The following PPP6C variants were observed in gnomAD, a reference collection of about 807,000 sequenced individuals.
PPP6C encodes the protein protein phosphatase 6 catalytic subunit.
Under a neutral mutation model 39.8 loss-of-function variants are expected in PPP6C, and 11 were observed. That is an observed-to-expected ratio of 0.28 (90% CI 0.17 to 0.46). The LOEUF (loss-of-function observed/expected upper bound fraction) is 0.46. Among genes scored for constraint, PPP6C ranks in the 20% least tolerant of loss-of-function variants. The pLI, the probability that PPP6C is intolerant of heterozygous loss-of-function variation, is 1.00. For synonymous variants in PPP6C, 129 were observed against 130.3 expected, an observed-to-expected ratio of 0.99 and a Z score of 0.07; for missense variants, 211 against 373.9, an observed-to-expected ratio of 0.56 and a Z score of 3.59.
intron 1 of PPP6C, among the ~76,000 whole-genome samples, chr9:125,173,005 G>A (rs752633967): frequency 2.6e-5 from 4 of 152,160 alleles, no homozygotes; most frequent in Admixed American, 6.6e-5. Flanking sequence ...AGCTGGGCAC[G>A]GCGGCTCTCG....
chr9:125,159,289 T>C (rs1438583873), intron 3 of PPP6C, among the ~76,000 whole-genome samples: 1 of 151,124 alleles, frequency 6.6e-6, no homozygotes, highest in Non-Finnish European at 1.5e-5. Flanking sequence ...CCTCAGGTGA[T>C]CCACCTGCCT....
chr9:125,175,893 G>T (rs937366765), intron 1 of PPP6C, among the ~76,000 whole-genome samples: 6 of 151,992 alleles, frequency 3.9e-5, no homozygotes, highest in Non-Finnish European at 7.4e-5. Context: ...GCTCTCAAGG[G>T]GCTTACATTC....
chr9:125,168,300 C>T (rs1046512227), intron 2 of PPP6C, among the ~76,000 whole-genome samples: 1 of 152,178 alleles, frequency 6.6e-6, no homozygotes, highest in African/African-American at 2.4e-5. Flanking sequence ...CTCAGCACAA[C>T]ATGCTTGCTA....
intron 2 of PPP6C, among the ~76,000 whole-genome samples, chr9:125,163,582 C>T (rs1338288348): frequency 6.6e-6 from 1 of 151,994 alleles, no homozygotes; most frequent in Non-Finnish European, 1.5e-5. Context: ...AGGCGCGTGC[C>T]AACAGCCCCA....
chr9:125,173,516 T>C (rs1829223677), intron 1 of PPP6C, among the ~76,000 whole-genome samples: 3 of 151,344 alleles, frequency 2.0e-5, no homozygotes, highest in African/African-American at 4.9e-5. Flanking sequence ...AGACAGAGGT[T>C]GCCGAAAACC....
chr9:125,187,819 T>C (rs1391016302), intron 1 of PPP6C, among the ~76,000 whole-genome samples: 5 of 151,956 alleles, frequency 3.3e-5, no homozygotes, highest in Non-Finnish European at 7.3e-5. Context: ...ACAAAAGGAA[T>C]GTCTGAAGGA....
chr9:125,177,106 G>T (rs973317475), intron 1 of PPP6C, among the ~76,000 whole-genome samples: 8 of 152,186 alleles, frequency 5.3e-5, no homozygotes, highest in African/African-American at 1.9e-4. Flanking sequence ...CGGGCGCGGT[G>T]GCTCACGCCT....
chr9:125,171,554 TTTTG>T (rs1399272402), intron 1 of PPP6C, among the ~76,000 whole-genome samples: 2 of 140,474 alleles, frequency 1.4e-5, no homozygotes. Flanking sequence ...TTTTGGGTTT[TTTTG>T]TTTTTTTTTT....
chr9:125,158,613 G>A (rs1488732631), intron 3 of PPP6C, among the ~76,000 whole-genome samples: 1 of 151,460 alleles, frequency 6.6e-6, no homozygotes. Flanking sequence ...AGAATCTGCT[G>A]TGCCATTCTC....
At chr9:125,175,769 T>G (rs1039968864) in intron 1 of PPP6C, among the ~76,000 whole-genome samples, 2 of 152,158 alleles carry the variant, frequency 1.3e-5, no homozygotes, top group East Asian at 1.9e-4. Flanking sequence ...CACTACATTA[T>G]ATTGAATATT....
chr9:125,159,374 ATT>A (rs1331331927), intron 3 of PPP6C, among the ~76,000 whole-genome samples: 8 of 137,994 alleles, frequency 5.8e-5, no homozygotes, highest in Admixed American at 7.4e-5. Context: ...TAAAAATTCA[ATT>A]TTTTTTTTTT....
chr9:125,171,279 C>T, intron 1 of PPP6C, 99 bp from the exon 2 acceptor site: 3 of 876,990 alleles, frequency 3.4e-6, no homozygotes, highest in Non-Finnish European at 5.0e-6. Flanking sequence ...ACTTACAAAA[C>T]CCAAGTATAC....
At chr9:125,187,398 C>T (rs1248537611) in intron 1 of PPP6C, among the ~76,000 whole-genome samples, 1 of 151,746 alleles carries the variant, frequency 6.6e-6, no homozygotes, top group African/African-American at 2.4e-5. Context: ...CCTGCCTCAG[C>T]CTCCCAAGTA....
chr9:125,189,445 C>T, intron 1 of PPP6C, 199 bp downstream of exon 1: 1 of 1,402,932 alleles, frequency 7.1e-7, no homozygotes, highest in East Asian at 2.6e-5. Flanking sequence ...GGGATCCCCA[C>T]TGAGGCAACC....
intron 2 of PPP6C, among the ~76,000 whole-genome samples, chr9:125,167,786 G>A (rs144266435): frequency 4.9e-4 from 69 of 142,174 alleles, no homozygotes; most frequent in African/African-American, 1.8e-3. Context: ...CAGCACTCTG[G>A]GAGGCCAAGG....
At chr9:125,152,722 C>T (rs552788613) in intron 6 of PPP6C, among the ~76,000 whole-genome samples, 19 of 151,542 alleles carry the variant, frequency 1.3e-4, no homozygotes, top group Admixed American at 1.2e-3. Flanking sequence ...CCCAGCTACT[C>T]GGGAGGCTGA....
Position 125,188,987 on chromosome 9 carries a change from A to G in PPP6C, c.75+657T>C, listed in dbSNP as rs374028047. ...GGTTAAGGAGAAAGTATTTGTATTT[A>G]TTGAGAACCAACTACTTTATCCACT... On this transcript the variant is annotated intron_variant, in intron 1 of 6. Transcript: ENST00000373547. The G allele has an allele frequency of 2.2e-3, 3,244 of 1,459,418 alleles. 22 individuals are homozygous for G. Among genetic ancestry groups the G allele is most frequent in the Middle Eastern group, 4.0e-3 (23 of 5,784 alleles). The allele number at this position is 1,459,418 out of a possible 1,614,324, so 90.4% of individuals were successfully genotyped here.
chr9:125,146,868 C>T lies in PPP6C; in HGVS notation c.*2805G>A, dbSNP rs1225506120. 1 of 152,198 alleles carries T rather than the reference C, an allele frequency of 6.6e-6. No individual in the cohort carries two copies. Among genetic ancestry groups the T allele is most frequent in the Non-Finnish European group, 1.5e-5 (1 of 68,044 alleles). 9.4% of individuals were successfully genotyped at this position (152,198 alleles called of 1,614,324 possible). A position where few individuals can be genotyped will look rare whatever the true frequency, so the allele number is the denominator to read the frequency against. ...TCTATTTCTGACAATGAAAGAGGCT[C>T]AGAAAGAGTCCTAATTTGCTTTCAC... On this transcript the variant is annotated 3_prime_UTR_variant, in exon 7 of 7. Coordinates refer to ENST00000373547, the MANE Select transcript of PPP6C (RefSeq NM_002721.5).
intron 1 of PPP6C, chr9:125,171,945 CAT>C (rs758352922): frequency 6.4e-5 from 30 of 467,386 alleles, no homozygotes; most frequent in South Asian, 4.6e-4. Context: ...GCAATAAAAA[CAT>C]GTTCAAAATC....
Sources: gnomAD v4.1 joint callset for allele counts (sites outside exome capture counted in the v4.1 genomes callset) on GRCh38, gnomAD v4.1.1 for gene constraint, MANE v1.5 for transcripts, NCBI Gene and HGNC (gene_info 2026-07-23, HGNC 2026-07-21) for gene names.